HMBOX1: variants seen among roughly 807,000 people sequenced by gnomAD.
The protein encoded by HMBOX1 is homeobox containing 1, also known as homeobox-containing protein 1.
A neutral mutation model predicts 54.5 loss-of-function variants in HMBOX1; 14 were observed. The ratio of observed to expected loss-of-function variants is 0.26; its 90% CI spans 0.17 to 0.40. The LOEUF is 0.40. Ranked by LOEUF, HMBOX1 falls within the 10% of genes least tolerant of loss-of-function variation. The pLI is 1.00. For missense variants in HMBOX1, 332 were observed against 514.4 expected (o/e 0.65, Z 3.43); for synonymous variants, 160 against 181.0 (o/e 0.88, Z 0.93).
chr8:29,028,393 G>A (rs1802403080), intron 6 of HMBOX1, among the ~76,000 whole-genome samples: 1 of 152,218 alleles, frequency 6.6e-6, no homozygotes, highest in Admixed American at 6.5e-5. Context: ...TAGCATGGAA[G>A]AGACAAATCA....
intron 2 of HMBOX1, among the ~76,000 whole-genome samples, chr8:28,968,282 G>A (rs1366169802): frequency 6.6e-6 from 1 of 152,176 alleles, no homozygotes; most frequent in Non-Finnish European, 1.5e-5. Context: ...GGACCCCTAG[G>A]TTCATCAGTA....
At chr8:28,902,690 G>A (rs904511044) in intron 1 of HMBOX1, among the ~76,000 whole-genome samples, 7 of 152,168 alleles carry the variant, frequency 4.6e-5, no homozygotes, top group African/African-American at 1.7e-4. Flanking sequence ...AAGGAAGTCA[G>A]GCTTATTGTT....
intron 5 of HMBOX1, chr8:29,009,532 T>C: frequency 3.5e-6 from 3 of 847,054 alleles, no homozygotes; most frequent in Non-Finnish European, 4.2e-6. Flanking sequence ...TCTTTTTTTT[T>C]TTTTTTTTTT....
intron 5 of HMBOX1, among the ~76,000 whole-genome samples, chr8:29,013,089 C>G (rs996034294): frequency 4.6e-5 from 7 of 152,186 alleles, no homozygotes; most frequent in Non-Finnish European, 8.8e-5. Context: ...TTCTATGACT[C>G]TATTCCTGGG....
At chr8:28,909,147 C>T (rs2131642027) in intron 1 of HMBOX1, among the ~76,000 whole-genome samples, 2 of 150,860 alleles carry the variant, frequency 1.3e-5, no homozygotes, top group South Asian at 4.2e-4. Flanking sequence ...GTAGTTGGGG[C>T]ATTTGAAAGC....
intron 6 of HMBOX1, 116 bp downstream of exon 6, chr8:29,019,029 TA>T: frequency 7.3e-6 from 6 of 816,752 alleles, no homozygotes; most frequent in Non-Finnish European, 1.2e-5. Context: ...GTTCTATCTC[TA>T]AAAGTACTTT....
intron 5 of HMBOX1, among the ~76,000 whole-genome samples, chr8:29,012,952 T>C (rs1834401685): frequency 6.6e-6 from 1 of 152,196 alleles, no homozygotes; most frequent in South Asian, 2.1e-4. Flanking sequence ...TAAATGTAAA[T>C]AGTGTGATCC....
chr8:29,051,247 A>ACTTG lies in HMBOX1; in HGVS notation c.*94_*97dup. The ACTTG allele has an allele frequency of 7.1e-7, 1 of 1,415,456 alleles. No homozygotes were observed. The allele number at this position is 1,415,456 out of a possible 1,614,324, so 87.7% of individuals were successfully genotyped here. On this transcript the variant is annotated 3_prime_UTR_variant, in exon 10 of 10. Coordinates refer to ENST00000287701, the MANE Select transcript of HMBOX1 (RefSeq NM_001135726.3). The stretch of plus-strand genomic sequence containing the variant: ...CCTTAACATGTGTTCTTACAGTATA[A>ACTTG]CTTGCAGTTTCTTGTATGTCAGGTA...
chr8:28,951,328 T>TC lies in HMBOX1; in HGVS notation c.-57-12482dup, dbSNP rs371812477. Among the ~76,000 whole-genome samples, 66 of 152,276 alleles carry TC rather than the reference T, an allele frequency of 4.3e-4. 2 individuals carry two copies. Among genetic ancestry groups the TC allele is most frequent in the African/African-American group, 1.5e-3 (64 of 41,560 alleles). On this transcript the variant is annotated intron_variant, in intron 1 of 9. Transcript: ENST00000287701. The stretch of plus-strand genomic sequence containing the variant: ...TTACATTCTTAGTAGAGACAGGGTT[T>TC]CACCTTGTTGGCCAGGATGATCTCG...
At position 28,914,803 on chromosome 8, in the gene HMBOX1, A is replaced by G. The variant is rs1472937463; in HGVS notation, c.-58+24125A>G. On this transcript the variant is annotated intron_variant, in intron 1 of 9. Transcript: ENST00000287701. ...CTACTTTATTTGAACACAGTGTTAT[A>G]CTTGTAATACCTATAATGGAAATGA... 2.0e-5 allele frequency among the ~76,000 whole-genome samples: 3 copies of G among 152,224 alleles called. No individual in the cohort carries two copies. The East Asian group carries it at 5.8e-4, about 29-fold the overall frequency.
chr8:29,025,581 G>A (rs1248937831), intron 6 of HMBOX1, among the ~76,000 whole-genome samples: 2 of 152,142 alleles, frequency 1.3e-5, no homozygotes, highest in Non-Finnish European at 2.9e-5. Flanking sequence ...TTCCATCTAA[G>A]CTTCTTCTAG....
At chr8:28,941,185 A>G (rs1412602807) in intron 1 of HMBOX1, among the ~76,000 whole-genome samples, 2 of 152,168 alleles carry the variant, frequency 1.3e-5, no homozygotes, top group East Asian at 1.9e-4. Flanking sequence ...CAAATGGCTC[A>G]TCTGTGTATT....
chr8:29,013,385 C>T (rs1361538640), intron 5 of HMBOX1, among the ~76,000 whole-genome samples: 13 of 152,206 alleles, frequency 8.5e-5, no homozygotes, highest in South Asian at 2.1e-4. Flanking sequence ...CCACCCACCT[C>T]GGCTTTCCAA....
chr8:28,907,275 A>G (rs1814521038), intron 1 of HMBOX1, among the ~76,000 whole-genome samples: 1 of 152,182 alleles, frequency 6.6e-6, no homozygotes, highest in Non-Finnish European at 1.5e-5. Context: ...CTTGTGTCCA[A>G]TAGGGAAATG....
chr8:28,988,504 C>G (rs1286550212), intron 4 of HMBOX1, among the ~76,000 whole-genome samples: 1 of 152,178 alleles, frequency 6.6e-6, no homozygotes, highest in East Asian at 1.9e-4. Context: ...AAGAAACTGC[C>G]AAACTGTTTT....
intron 1 of HMBOX1, among the ~76,000 whole-genome samples, chr8:28,921,445 A>T (rs374812595): frequency 6.6e-6 from 1 of 152,260 alleles, no homozygotes; most frequent in Non-Finnish European, 1.5e-5. Flanking sequence ...AATATACTGT[A>T]TAAAGGAAAC....
rs1806563958 is a variant in HMBOX1, at chr8:29,052,827, C to G, written c.*1672C>G. The G allele has an allele frequency of 6.6e-6, 1 of 152,142 alleles. No homozygotes were observed. The allele number at this position is 152,142 out of a possible 1,614,324, so 9.4% of individuals were successfully genotyped here. On this transcript the variant is annotated 3_prime_UTR_variant, in exon 10 of 10. Coordinates refer to ENST00000287701, the MANE Select transcript of HMBOX1 (RefSeq NM_001135726.3). The stretch of plus-strand genomic sequence containing the variant: ...CCATCTCTCCTATGTATAATGAAGC[C>G]TTGTTTAAAGGGGCATGTGGGGCTG...
At chr8:28,993,397 G>C (rs549000430) in intron 4 of HMBOX1, among the ~76,000 whole-genome samples, 27 of 152,214 alleles carry the variant, frequency 1.8e-4, no homozygotes, top group African/African-American at 6.5e-4. Context: ...TGTCTAGAAT[G>C]ATGACAGTAC....
chr8:29,029,080 G>T (rs976287205), intron 6 of HMBOX1, among the ~76,000 whole-genome samples: 7 of 151,946 alleles, frequency 4.6e-5, no homozygotes, highest in Non-Finnish European at 7.4e-5. Flanking sequence ...CTTCTAGTAG[G>T]ATTTTCCGCC....
Sources: gnomAD v4.1 joint callset for allele counts (sites outside exome capture counted in the v4.1 genomes callset) on GRCh38, gnomAD v4.1.1 for gene constraint, MANE v1.5 for transcripts, NCBI Gene and HGNC (gene_info 2026-07-23, HGNC 2026-07-21) for gene names.